The following KCP variants were observed in gnomAD, a reference collection of about 807,000 sequenced individuals.
KCP encodes kielin cysteine rich BMP regulator, also known as kielin/chordin-like protein.
In KCP, 194 loss-of-function variants were observed where a neutral mutation model predicts 212.7. That is an observed-to-expected ratio of 0.91 (90% CI 0.81 to 1.03). The LOEUF (loss-of-function observed/expected upper bound fraction) is 1.03. Ranked by LOEUF, KCP falls within the 50% of genes least tolerant of loss-of-function variation. The pLI is 0.00. For missense variants in KCP, 2,080 were observed against 2,162.5 expected (o/e 0.96, Z 0.76); for synonymous variants, 833 against 865.3 (o/e 0.96, Z 0.65).
chr7:128,900,233 ATTAGTCT>A (rs1385149114), intron 8 of KCP, among the ~76,000 whole-genome samples: 1 of 152,242 alleles, frequency 6.6e-6, no homozygotes, highest in Non-Finnish European at 1.5e-5. Flanking sequence ...TGTTACCATG[ATTAGTCT>A]TTAGTAAAAA....
chr7:128,894,347 G>T (rs1794390962), intron 8 of KCP, 54 bp from the exon 9 acceptor site: 1 of 1,346,370 alleles, frequency 7.4e-7, no homozygotes, highest in Non-Finnish European at 1.0e-6. Flanking sequence ...CTGAGAGGTG[G>T]AAATGGCATT....
At chr7:128,894,140 C>T (rs1481419793) in intron 9 of KCP, 60 bp downstream of exon 9, 1 of 1,510,232 alleles carries the variant, frequency 6.6e-7, no homozygotes, top group East Asian at 2.5e-5. Context: ...GCAGGGCCAC[C>T]CATCAATTTT....
Position 128,884,873 on chromosome 7 carries a change from GGAGT to G in KCP, c.3041-14_3041-11del, listed in dbSNP as rs1394299649. ...CCCTCATGCTCACAGTCTTTGGGGTGGAGTGAGAGCAGAACGGGACCAGGGGTCC... is the reference window on the plus strand; with the variant it reads ...CCCTCATGCTCACAGTCTTTGGGGTGGAGAGCAGAACGGGACCAGGGGTCC... On this transcript the variant is annotated splice_polypyrimidine_tract_variant and intron_variant, in intron 27 of 39. Transcript: ENST00000610776. The G allele has an allele frequency of 6.4e-7, 1 of 1,550,398 alleles. No individual in the cohort carries two copies. The highest frequency in any genetic ancestry group is 1.2e-5 in the South Asian group (1 of 84,054).
chr7:128,908,806 T>C (rs1795287703), intron 1 of KCP, among the ~76,000 whole-genome samples: 1 of 152,136 alleles, frequency 6.6e-6, no homozygotes, highest in African/African-American at 2.4e-5. Context: ...CTGAGAGTCT[T>C]TTCAGGGAGA....
intron 8 of KCP, among the ~76,000 whole-genome samples, chr7:128,900,359 T>C (rs1794777506): frequency 1.3e-5 from 2 of 152,194 alleles, no homozygotes. Context: ...ACTGATTGCT[T>C]GCTCCTGTGA....
chr7:128,890,600 C>CGGGTGTCGT lies in KCP; in HGVS notation c.2165-96_2165-88dup, dbSNP rs1176814361. On this transcript the variant is annotated intron_variant, in intron 20 of 39. Transcript: ENST00000610776. The stretch of plus-strand genomic sequence containing the variant: ...TCGTGGGGTTGAGGGGCGTGGAGGA[C>CGGGTGTCGT]GGGTGTCGTGGGGGCCGTGGGGGCT... 6.5e-5 allele frequency: 26 copies of CGGGTGTCGT among 398,996 alleles called. No individual in the cohort carries two copies. The African/African-American group carries it at 8.6e-4, about 13-fold the overall frequency. 24.7% of individuals were successfully genotyped at this position (398,996 alleles called of 1,614,324 possible). A position where few individuals can be genotyped will look rare whatever the true frequency, so the allele number is the denominator to read the frequency against.
chr7:128,880,331 G>C, intron 34 of KCP, 55 bp downstream of exon 34: 2 of 1,470,434 alleles, frequency 1.4e-6, no homozygotes, highest in Non-Finnish European at 1.8e-6. Context: ...CCAGGATGGC[G>C]GTACCATGTG....
intron 6 of KCP, 43 bp from the exon 7 acceptor site, chr7:128,903,863 G>T: frequency 1.5e-6 from 1 of 660,712 alleles, no homozygotes; most frequent in Non-Finnish European, 2.7e-6. Flanking sequence ...TCTGGCTCCC[G>T]CAGAGGGCTG....
In KCP at chr7:128,891,236, G is replaced by A. The variant is rs1435297628; in HGVS notation, c.1921C>T (p.Pro641Ser). 1 of 1,546,738 alleles carries A rather than the reference G, an allele frequency of 6.5e-7. No individual in the cohort carries two copies. The highest frequency in any genetic ancestry group is 1.4e-5 in the African/African-American group (1 of 73,098). ...GGCAGCAGGACAGGCTCTGGACAGG[G>A]CAGCGGCACGCAGCGGCGGGCCAGG... ...QCLARRCVPL[P>S]CPEPVLLPGE... The change falls in exon 19 of 40, where the codon CCC (proline) becomes TCC (serine). Residue 641 changes from proline to serine, a missense_variant. Physicochemically the swap from Pro to Ser is moderately conservative, Grantham distance 74. Coordinates refer to ENST00000610776, the MANE Select transcript of KCP (RefSeq NM_001366122.1).
chr7:128,889,093 G>A, intron 21 of KCP, 54 bp from the exon 22 acceptor site: 2 of 1,377,718 alleles, frequency 1.5e-6, no homozygotes, highest in Non-Finnish European at 9.7e-7. Context: ...GGATGAGAGG[G>A]CAGTGGTCAT....
intron 29 of KCP, 64 bp from the exon 30 acceptor site, chr7:128,882,080 G>T: frequency 1.6e-6 from 2 of 1,274,482 alleles, no homozygotes; most frequent in Non-Finnish European, 2.2e-6. Flanking sequence ...AATCCCAGCT[G>T]TCCCCATGCA....
intron 8 of KCP, among the ~76,000 whole-genome samples, chr7:128,895,335 G>A (rs1794451911): frequency 6.6e-6 from 1 of 152,212 alleles, no homozygotes; most frequent in South Asian, 2.1e-4. Context: ...GGGGGCTGGT[G>A]TGGCATCTAC....
At chr7:128,893,069 T>A in intron 13 of KCP, 48 bp from the exon 14 acceptor site, 1 of 875,314 alleles carries the variant, frequency 1.1e-6, no homozygotes, top group Admixed American at 2.0e-5. Flanking sequence ...CTCCCACCCA[T>A]CCCTGTCCTT....
At chr7:128,910,464 G>T in intron 1 of KCP, 137 bp downstream of exon 1, 1 of 754,208 alleles carries the variant, frequency 1.3e-6, no homozygotes, top group Non-Finnish European at 2.0e-6. Context: ...GGAGGACGGA[G>T]CTGGCCAGGG....
rs148980793 is a variant in KCP, at chr7:128,899,873, A to G, written c.831+2904T>C. Among the ~76,000 whole-genome samples the G allele has an allele frequency of 2.8e-3, 374 of 131,374 alleles. 5 individuals carry two copies. The highest frequency in any genetic ancestry group is 0.015 in the African/African-American group (353 of 23,414). The allele number at this position is 131,374 out of a possible 152,430, so 86.2% of individuals were successfully genotyped here. ...GGAATCATGATTCCTTAAGGAATCAAATTTGACTTGTAGAGCCAATAAATG... is the reference window on the plus strand; with the variant it reads ...GGAATCATGATTCCTTAAGGAATCAGATTTGACTTGTAGAGCCAATAAATG... On this transcript the variant is annotated intron_variant, in intron 8 of 39. Coordinates refer to ENST00000610776, the MANE Select transcript of KCP (RefSeq NM_001366122.1).
chr7:128,877,705 C>A lies in KCP; in HGVS notation c.4397G>T (p.Arg1466Leu). ...CACCCCACACCGGGCATTGGCCTCA[C>A]GCCTGGCACGGTAACCTGCTGCCCG... ...PCRAAGYRAR[R>L]EANARCGVLK... is the part of the protein sequence containing the mutation. Residue 1466 changes from arginine to leucine, a missense_variant, in exon 39 of 40, where the codon CGT (arginine) becomes CTT (leucine). Coordinates refer to ENST00000610776, the MANE Select transcript of KCP (RefSeq NM_001366122.1). 6.4e-7 allele frequency: 1 copy of A among 1,551,246 alleles called. No homozygotes were observed. Among genetic ancestry groups the A allele is most frequent in the South Asian group, 1.2e-5 (1 of 84,068 alleles).
At chr7:128,910,178 C>G (rs1387675379) in intron 1 of KCP, among the ~76,000 whole-genome samples, 1 of 152,204 alleles carries the variant, frequency 6.6e-6, no homozygotes, top group Non-Finnish European at 1.5e-5. Context: ...GGAATTGTCC[C>G]GGGTTCCCCT....
At position 128,891,068 on chromosome 7, in the gene KCP, C is replaced by A; in HGVS notation, c.2001G>T (p.Arg667=). 4.2e-6 allele frequency: 6 copies of A among 1,412,250 alleles called. No individual in the cohort carries two copies. The highest frequency in any genetic ancestry group is 5.5e-6 in the Non-Finnish European group (6 of 1,090,650). The allele number at this position is 1,412,250 out of a possible 1,614,324, so 87.5% of individuals were successfully genotyped here. A position where few individuals can be genotyped will look rare whatever the true frequency, so the allele number is the denominator to read the frequency against. ...PAAPAPAGCP[R]PGAAHARHQE... The stretch of plus-strand genomic sequence containing the variant: ...GGTGGCGGGCGTGGGCCGCGCCGGG[C>A]CGTGGGCAGCCGGCGGGGGCTGGGG... Residue 667 remains arginine (R), a synonymous_variant, in exon 20 of 40, where the codon CGG becomes CGT. Coordinates refer to ENST00000610776, the MANE Select transcript of KCP (RefSeq NM_001366122.1).
intron 5 of KCP, 45 bp downstream of exon 5, chr7:128,906,234 G>C: frequency 6.8e-7 from 1 of 1,470,882 alleles, no homozygotes; most frequent in Non-Finnish European, 9.3e-7. Flanking sequence ...CTGTGGGCCA[G>C]AGAAGGCAAG....
Sources: gnomAD v4.1 joint callset for allele counts (sites outside exome capture counted in the v4.1 genomes callset) on GRCh38, gnomAD v4.1.1 for gene constraint, MANE v1.5 for transcripts, NCBI Gene and HGNC (gene_info 2026-07-23, HGNC 2026-07-21) for gene names.